Variants in SLC3A2 observed in about 807,000 individuals in gnomAD.
SLC3A2 encodes the protein amino acid transporter heavy chain SLC3A2.
In SLC3A2, 32 loss-of-function variants were observed where a neutral mutation model predicts 48.5. The observed-to-expected ratio is 0.66, with a 90% CI of 0.50 to 0.89. SLC3A2 has a LOEUF of 0.89. Among genes scored for constraint, SLC3A2 ranks in the 40% least tolerant of loss-of-function variants. The probability of loss-of-function intolerance (pLI) is 0.00; values close to 1 mark genes in which losing one functional copy is unlikely to be tolerated. For synonymous variants in SLC3A2, 277 were observed against 288.8 expected (o/e 0.96, Z 0.41); for missense variants, 587 against 680.7 (o/e 0.86, Z 1.53).
intron 3 of SLC3A2, chr11:62,883,672 A>G: frequency 4.3e-6 from 1 of 233,134 alleles, no homozygotes; most frequent in Non-Finnish European, 8.8e-6. Context: ...GGACCCCGGG[A>G]TCATCCAGTT....
At chr11:62,883,108 TCCTTA>T in intron 3 of SLC3A2, 109 bp downstream of exon 3, 1 of 957,556 alleles carries the variant, frequency 1.0e-6, no homozygotes, top group Non-Finnish European at 1.7e-6. Context: ...GTCCCTTTGC[TCCTTA>T]GGACCAAGGA....
At chr11:62,875,775 C>T (rs1041546632) in intron 1 of SLC3A2, among the ~76,000 whole-genome samples, 1 of 152,134 alleles carries the variant, frequency 6.6e-6, no homozygotes, top group Non-Finnish European at 1.5e-5. Flanking sequence ...CCACGTTGGC[C>T]AGGCTGGTCT....
chr11:62,887,615 A>G (rs2085731172), intron 7 of SLC3A2, among the ~76,000 whole-genome samples: 1 of 151,768 alleles, frequency 6.6e-6, no homozygotes. Flanking sequence ...AGGCAGGAGA[A>G]TCGCTTGAAC....
intron 2 of SLC3A2, chr11:62,882,631 T>A (rs2085657647): frequency 2.6e-6 from 1 of 382,424 alleles, no homozygotes. Context: ...ACTACAGCCG[T>A]GTGCCACCAC....
At chr11:62,877,616 G>A (rs927980975), upstream of SLC3A2, among the ~76,000 whole-genome samples, 2 of 152,146 alleles carry the variant, frequency 1.3e-5, no homozygotes, top group African/African-American at 2.4e-5. Context: ...GGGGAGTTGA[G>A]AAAAGCTGTC....
chr11:62,885,228 A>C lies in SLC3A2; in HGVS notation c.870A>C (p.Leu290=), dbSNP rs752313166. ...NSSDLQQILS[L]LESNKDLLLT... is the part of the protein sequence containing the mutation. ...CCGACCTTCAGCAGATCCTGAGCCT[A>C]CTCGAATCCAACAAAGACTTGCTGT... Residue 290 remains leucine (L), a synonymous_variant, in exon 6 of 9, where the codon CTA becomes CTC. Transcript: ENST00000338663. 6.2e-7 allele frequency: 1 copy of C among 1,614,102 alleles called. No homozygotes were observed. The highest frequency in any genetic ancestry group is 1.1e-5 in the South Asian group (1 of 91,084).
chr11:62,880,890 C>G, upstream of SLC3A2: 1 of 1,435,610 alleles, frequency 7.0e-7, no homozygotes, highest in Non-Finnish European at 9.1e-7. Context: ...GCGCCTGCTG[C>G]TGAGCAGATG....
chr11:62,883,245 AC>A (rs2085666030), intron 3 of SLC3A2: 1 of 465,928 alleles, frequency 2.1e-6, no homozygotes. Flanking sequence ...CCAGGAAGGG[AC>A]CTTCTCAGAA....
At chr11:62,872,514 C>CA (rs927458969) in intron 1 of SLC3A2, among the ~76,000 whole-genome samples, 7 of 152,000 alleles carry the variant, frequency 4.6e-5, no homozygotes, top group African/African-American at 1.2e-4. Context: ...GACCCTGTCT[C>CA]AAAAAAACCC....
chr11:62,880,274 T>C (rs766316), upstream of SLC3A2: 1 of 152,232 alleles, frequency 6.6e-6, no homozygotes, highest in East Asian at 1.9e-4. Flanking sequence ...AAGCAAAGTA[T>C]TGTAGTGAGT....
chr11:62,888,082 C>T, intron 7 of SLC3A2, 53 bp from the exon 8 acceptor site: 2 of 1,498,346 alleles, frequency 1.3e-6, no homozygotes, highest in Non-Finnish European at 1.9e-6. Context: ...CAGATGTGAG[C>T]CACCATGCCT....
At chr11:62,873,000 CT>C (rs1212710491) in intron 1 of SLC3A2, among the ~76,000 whole-genome samples, 1 of 152,092 alleles carries the variant, frequency 6.6e-6, no homozygotes, top group Admixed American at 6.6e-5. Context: ...ATTTTATATT[CT>C]CTTTCACCTT....
chr11:62,856,387 G>A, intron 1 of SLC3A2: 1 of 1,601,754 alleles, frequency 6.2e-7, no homozygotes, highest in South Asian at 1.1e-5. Flanking sequence ...CTCAGGTACT[G>A]GATCCCGGGC....
rs1171433265 is a variant in SLC3A2 at position 62,874,772 on chromosome 11, C to CTTTTCTTTTTT, written c.113-6243_113-6242insCTTTTTTTTTT. Among the ~76,000 whole-genome samples the CTTTTCTTTTTT allele has an allele frequency of 2.2e-3, 314 of 142,892 alleles. 2 individuals carry two copies. The highest frequency in any genetic ancestry group is 7.0e-3 in the African/African-American group (276 of 39,188). The allele number at this position is 142,892 out of a possible 152,430, so 93.7% of individuals were successfully genotyped here. A position where few individuals can be genotyped will look rare whatever the true frequency, so the allele number is the denominator to read the frequency against. ...TCACCCATCTTTCCTTTTTCTTTTT[C>CTTTTCTTTTTT]TTTTTTTTTTTTTTGGAGACAGAGT... is the stretch of plus-strand genomic sequence containing the variant. On this transcript the variant is annotated intron_variant, in intron 1 of 9. Transcript: ENST00000377889.
At chr11:62,876,196 T>C (rs1359773011), upstream of SLC3A2, among the ~76,000 whole-genome samples, 2 of 152,220 alleles carry the variant, frequency 1.3e-5, no homozygotes, top group Non-Finnish European at 2.9e-5. Flanking sequence ...GAAAAATAAA[T>C]GTCCTGTTTT....
upstream of SLC3A2, among the ~76,000 whole-genome samples, chr11:62,877,719 A>G (rs939509539): frequency 1.3e-4 from 20 of 152,256 alleles, no homozygotes; most frequent in Non-Finnish European, 2.5e-4. Flanking sequence ...TACAAGATGC[A>G]GAGCTCTGCC....
intron 1 of SLC3A2, among the ~76,000 whole-genome samples, chr11:62,872,381 T>C (rs1483019334): frequency 6.6e-6 from 1 of 152,162 alleles, no homozygotes; most frequent in East Asian, 1.9e-4. Context: ...CAGGCATGGT[T>C]GCATGCTCCT....
At chr11:62,885,411 G>C in intron 6 of SLC3A2, 54 bp downstream of exon 6, 1 of 1,613,908 alleles carries the variant, frequency 6.2e-7, no homozygotes, top group South Asian at 1.1e-5. Context: ...AGGGTTGTTG[G>C]GAGACAGAGG....
intron 1 of SLC3A2, among the ~76,000 whole-genome samples, chr11:62,871,901 TTTATTTTA>T (rs1409919072): frequency 6.6e-6 from 1 of 151,744 alleles, no homozygotes; most frequent in Non-Finnish European, 1.5e-5. Context: ...ACATCAAATC[TTTATTTTA>T]TTATTATTAT....
Sources: gnomAD v4.1 joint callset for allele counts (sites outside exome capture counted in the v4.1 genomes callset) on GRCh38, gnomAD v4.1.1 for gene constraint, MANE v1.5 for transcripts, NCBI Gene and HGNC (gene_info 2026-07-23, HGNC 2026-07-21) for gene names.